The following SLC44A3 variants were observed in gnomAD, a reference collection of about 807,000 sequenced individuals.
The protein encoded by SLC44A3 is choline transporter-like protein 3.
SLC44A3 carries 74 observed loss-of-function variants against 75.4 expected under a neutral mutation model. The observed-to-expected ratio is 0.98, with a 90% CI of 0.81 to 1.19. The LOEUF is 1.19. SLC44A3 is among the 50% of genes most tolerant of loss of function. SLC44A3 has a pLI of 0.00. For synonymous variants in SLC44A3, 310 were observed against 296.9 expected, an observed-to-expected ratio of 1.04 and a Z score of -0.45; for missense variants, 700 against 778.6, an observed-to-expected ratio of 0.90 and a Z score of 1.20.
chr1:94,830,303 C>G (rs1661950004), intron 5 of SLC44A3, among the ~76,000 whole-genome samples: 1 of 152,162 alleles, frequency 6.6e-6, no homozygotes, highest in Non-Finnish European at 1.5e-5. Flanking sequence ...ACCTCCATCT[C>G]CCAGGTTCAA....
intron 6 of SLC44A3, among the ~76,000 whole-genome samples, chr1:94,839,481 C>T (rs966801684): frequency 2.1e-4 from 32 of 152,130 alleles, no homozygotes; most frequent in African/African-American, 4.6e-4. Context: ...CTCTGCCACC[C>T]GGGTTCAAGC....
chr1:94,849,736 T>C (rs1463005634), intron 9 of SLC44A3, among the ~76,000 whole-genome samples: 1 of 152,082 alleles, frequency 6.6e-6, no homozygotes, highest in Non-Finnish European at 1.5e-5. Flanking sequence ...ACATAAATAG[T>C]TGTTTGTTTG....
chr1:94,835,646 A>G (rs1215451560), intron 5 of SLC44A3, among the ~76,000 whole-genome samples: 1 of 152,210 alleles, frequency 6.6e-6, no homozygotes, highest in Non-Finnish European at 1.5e-5. Context: ...TTTAAGAATA[A>G]TCTAACCACT....
At chr1:94,822,926 G>A (rs182255029) in intron 2 of SLC44A3, among the ~76,000 whole-genome samples, 17 of 152,230 alleles carry the variant, frequency 1.1e-4, no homozygotes, top group African/African-American at 3.6e-4. Context: ...TTGGAAGGCC[G>A]AGGCAGGAAG....
At position 94,856,484 on chromosome 1, in the gene SLC44A3, A is replaced by G. The variant is rs564603359; in HGVS notation, c.1073-851A>G. The stretch of plus-strand genomic sequence containing the variant: ...GTTTGCTCTTGAAATGAAATCTGAA[A>G]TAGATCCTTTTGAGATAACAAAGAC... On this transcript the variant is annotated intron_variant, in intron 9 of 14. Coordinates refer to ENST00000271227, the MANE Select transcript of SLC44A3 (RefSeq NM_001114106.3). 1.5e-3 allele frequency among the ~76,000 whole-genome samples: 234 copies of G among 152,326 alleles called. 1 individual carries two copies. The highest frequency in any genetic ancestry group is 5.3e-3 in the African/African-American group (221 of 41,584).
At position 94,867,420 on chromosome 1, in the gene SLC44A3, AC is replaced by A. The variant is rs750076614; in HGVS notation, c.1482+4del. On this transcript the variant is annotated splice_donor_region_variant and intron_variant, in intron 12 of 14. Coordinates refer to ENST00000271227, the MANE Select transcript of SLC44A3 (RefSeq NM_001114106.3). ...AATACCTGCTCCATCTCAACCAGGT[AC>A]GTCTCTACCTCTTGCCTCAGGAACA... 4.1e-5 allele frequency: 65 copies of A among 1,604,130 alleles called. No homozygotes were observed. Among genetic ancestry groups the A allele is most frequent in the Non-Finnish European group, 5.2e-5 (61 of 1,174,202 alleles).
Position 94,869,955 on chromosome 1 carries a change from C to T in SLC44A3, c.1482+2538C>T, listed in dbSNP as rs118103592. ...TTGTTACCATCAAAACTCAGATGCT[C>T]ATCTTTATTTAACATCAAGGAGATG... On this transcript the variant is annotated intron_variant, in intron 12 of 14. Transcript: ENST00000271227. 3.3e-5 allele frequency among the ~76,000 whole-genome samples: 5 copies of T among 152,296 alleles called. No homozygotes were observed. The East Asian group carries it at 9.7e-4, about 29-fold the overall frequency.
intron 5 of SLC44A3, among the ~76,000 whole-genome samples, chr1:94,834,790 G>A (rs768116882): frequency 3.2e-4 from 49 of 152,250 alleles, no homozygotes; most frequent in Non-Finnish European, 6.0e-4. Context: ...CGGTGAAAGG[G>A]ATAAATCTTT....
At position 94,827,640 on chromosome 1, in the gene SLC44A3, A is replaced by G. The variant is rs766389935; in HGVS notation, c.412A>G (p.Ser138Gly). ...AGAGGTCCAGTTCTTTGCAAACACC[A>G]GTGGTAGGCACTAAGGCCTGGTTTG... Reference protein sequence around the residue: ...LEEVQFFANTSGSFLCVYSLN... With the variant: ...LEEVQFFANTGGSFLCVYSLN... Residue 138 changes from serine (S) to glycine (G), a missense_variant, in exon 4 of 15, where the codon AGT becomes GGT. Physicochemically the swap from Ser to Gly is moderately conservative, Grantham distance 56. Coordinates refer to ENST00000271227, the MANE Select transcript of SLC44A3 (RefSeq NM_001114106.3). 4.3e-5 allele frequency: 70 copies of G among 1,614,006 alleles called. No homozygotes were observed. Among genetic ancestry groups the G allele is most frequent in the Non-Finnish European group, 5.5e-5 (65 of 1,180,004 alleles).
chr1:94,849,597 G>A (rs11165260), intron 9 of SLC44A3, among the ~76,000 whole-genome samples: 8,703 of 152,206 alleles, frequency 0.057, 629 homozygotes, highest in East Asian at 0.21. Context: ...ATGAAGAGGC[G>A]CCAGGTGATC....
At chr1:94,822,442 C>T (rs1386506267) in intron 2 of SLC44A3, among the ~76,000 whole-genome samples, 1 of 152,174 alleles carries the variant, frequency 6.6e-6, no homozygotes, top group Non-Finnish European at 1.5e-5. Context: ...TCTTTTGCAA[C>T]ATTTTTTATT....
chr1:94,874,956 A>G (rs1668124084), intron 12 of SLC44A3, among the ~76,000 whole-genome samples: 1 of 152,240 alleles, frequency 6.6e-6, no homozygotes, highest in South Asian at 2.1e-4. Context: ...ATCACCTTGA[A>G]TATGAAATCA....
rs1661679176 is a variant in SLC44A3, at chr1:94,828,485, GCTTCCAGGGTC to G, written c.416-2_424del. 6.2e-7 allele frequency: 1 copy of G among 1,611,854 alleles called. No homozygotes were observed. The highest frequency in any genetic ancestry group is 1.3e-5 in the African/African-American group (1 of 74,956). ...AGAAGGTATAATGTCTGTGTGTTCT[GCTTCCAGGGTC>G]CTTCCTGTGTGTTTATAGTTTGAAT... On this transcript the variant is annotated splice_acceptor_variant and splice_polypyrimidine_tract_variant and coding_sequence_variant and intron_variant, in exon 5 of 15. Transcript: ENST00000271227. LOFTEE classifies it high-confidence loss of function.
chr1:94,856,662 T>C (rs907197483), intron 9 of SLC44A3, among the ~76,000 whole-genome samples: 5 of 152,134 alleles, frequency 3.3e-5, no homozygotes, highest in African/African-American at 1.2e-4. Flanking sequence ...GTCCCATGTG[T>C]TTAGGTTTAT....
intron 14 of SLC44A3, among the ~76,000 whole-genome samples, chr1:94,893,506 A>G (rs199523462): frequency 6.6e-6 from 1 of 151,670 alleles, no homozygotes; most frequent in Non-Finnish European, 1.5e-5. Flanking sequence ...TCAGCCTCCC[A>G]AGTAGCTGGG....
chr1:94,892,212 C>T, intron 13 of SLC44A3, 69 bp from the exon 14 acceptor site: 1 of 1,409,582 alleles, frequency 7.1e-7, no homozygotes, highest in Non-Finnish European at 9.9e-7. Context: ...TAAACCATTA[C>T]TTGTAACTGA....
chr1:94,826,923 G>A (rs1661430561), intron 3 of SLC44A3, among the ~76,000 whole-genome samples: 1 of 152,092 alleles, frequency 6.6e-6, no homozygotes, highest in Admixed American at 6.6e-5. Context: ...AGCTGCTAGC[G>A]CATAACCTGC....
chr1:94,862,880 A>G (rs1666740144), intron 10 of SLC44A3, among the ~76,000 whole-genome samples: 1 of 152,202 alleles, frequency 6.6e-6, no homozygotes. Flanking sequence ...GGTAAGTATT[A>G]TATTTAGCAT....
At chr1:94,822,820 A>G (rs1456525814) in intron 2 of SLC44A3, among the ~76,000 whole-genome samples, 1 of 152,154 alleles carries the variant, frequency 6.6e-6, no homozygotes, top group African/African-American at 2.4e-5. Context: ...TGGCCAATGT[A>G]CTAGACCAAT....
Sources: allele counts gnomAD v4.1 joint callset (sites outside exome capture counted in the v4.1 genomes callset), GRCh38; gene constraint gnomAD v4.1.1; transcripts MANE v1.5; gene names NCBI Gene and HGNC (gene_info 2026-07-23, HGNC 2026-07-21).